Variants in TBC1D22B observed in about 807,000 individuals in gnomAD.
The protein encoded by TBC1D22B is chromosome 6 open reading frame 197.
Under a neutral mutation model 69.1 loss-of-function variants are expected in TBC1D22B, and 32 were observed. The observed-to-expected ratio is 0.46, with a 90% CI of 0.35 to 0.62. The LOEUF is 0.62. Among genes scored for constraint, TBC1D22B ranks in the 20% least tolerant of loss-of-function variants. The pLI is 0.00. For missense variants in TBC1D22B, 462 were observed against 630.9 expected (o/e 0.73, Z 2.87); for synonymous variants, 206 against 229.8 (o/e 0.90, Z 0.94).
intron 8 of TBC1D22B, chr6:37,295,722 G>A: frequency 3.1e-6 from 1 of 327,780 alleles, no homozygotes; most frequent in South Asian, 3.2e-5. Flanking sequence ...CGATTCCCTG[G>A]TCTCTTCCCC....
intron 12 of TBC1D22B, among the ~76,000 whole-genome samples, chr6:37,325,988 G>T (rs4714055): frequency 0.64 from 97,315 of 152,024 alleles, 31,342 homozygotes; most frequent in East Asian, 0.85. Flanking sequence ...GGGGAAGTGG[G>T]GACATTCACT....
chr6:37,295,610 C>G (rs1441355359), intron 8 of TBC1D22B: 1 of 437,296 alleles, frequency 2.3e-6, no homozygotes, highest in Non-Finnish European at 4.6e-6. Flanking sequence ...AACACAATTG[C>G]AGTTGAGTTT....
At chr6:37,330,956 C>T in intron 12 of TBC1D22B, 88 bp from the exon 13 acceptor site, 1 of 1,474,704 alleles carries the variant, frequency 6.8e-7, no homozygotes, top group East Asian at 2.3e-5. Flanking sequence ...GAAGGGGCCC[C>T]ATTCTAGGCC....
At chr6:37,258,206 A>G in intron 1 of TBC1D22B, 2 of 546,824 alleles carry the variant, frequency 3.7e-6, no homozygotes, top group South Asian at 2.3e-5. Context: ...AGGAGGGGTG[A>G]CCTCAGCGGG....
chr6:37,322,628 A>G (rs989695169), intron 12 of TBC1D22B, among the ~76,000 whole-genome samples: 6 of 152,244 alleles, frequency 3.9e-5, no homozygotes, highest in African/African-American at 1.4e-4. Flanking sequence ...TAATAAAAAC[A>G]TGTTTTTATT....
chr6:37,292,831 A>G (rs1441682827), intron 8 of TBC1D22B, among the ~76,000 whole-genome samples: 1 of 152,062 alleles, frequency 6.6e-6, no homozygotes, highest in East Asian at 1.9e-4. Context: ...TCCCATTACT[A>G]CCTCAACCCC....
At chr6:37,304,108 T>C (rs1198184615) in intron 8 of TBC1D22B, among the ~76,000 whole-genome samples, 1 of 152,210 alleles carries the variant, frequency 6.6e-6, no homozygotes, top group African/African-American at 2.4e-5. Context: ...TGGAGGGCAG[T>C]GAGTTACACT....
chr6:37,291,351 T>C lies in TBC1D22B; in HGVS notation c.976T>C (p.Tyr326His), dbSNP rs1237681966. Residue 326 changes from tyrosine (Y) to histidine (H), a missense_variant, in exon 8 of 13, where the codon TAT becomes CAT. Transcript: ENST00000373491. Reference protein sequence around the residue: ...TPFFVVFLSEYVEEDVENFDV... With the variant: ...TPFFVVFLSEHVEEDVENFDV... ...ATTCTTTGTCGTCTTCCTCTCAGAA[T>C]ATGTGGGTAAGAAGCATTAGTACCA... 1 of 1,606,022 alleles carries C rather than the reference T, an allele frequency of 6.2e-7. No homozygotes were observed. Among genetic ancestry groups the C allele is most frequent in the African/African-American group, 1.3e-5 (1 of 74,578 alleles).
In TBC1D22B at chr6:37,331,146, G is replaced by A. The variant is rs371136817; in HGVS notation, c.1492G>A (p.Asp498Asn). The A allele has an allele frequency of 7.4e-6, 12 of 1,613,956 alleles. No individual in the cohort carries two copies. The highest frequency in any genetic ancestry group is 3.3e-5 in the South Asian group (3 of 91,072). ...ATACAGACTCAAGTACATGTTTGCC[G>A]ATGCCCCAAATCACTACCGCCGATA... is the stretch of plus-strand genomic sequence containing the variant. ...EAYRLKYMFA[D>N]APNHYRR is the part of the protein sequence containing the mutation. Residue 498 changes from aspartate to asparagine, a missense_variant, in exon 13 of 13, where the codon GAT becomes AAT. Physicochemically the swap from Asp to Asn is conservative, Grantham distance 23. Coordinates refer to ENST00000373491, the MANE Select transcript of TBC1D22B (RefSeq NM_017772.4).
At chr6:37,287,175 A>G in intron 7 of TBC1D22B, 103 bp downstream of exon 7, 1 of 844,136 alleles carries the variant, frequency 1.2e-6, no homozygotes, top group Non-Finnish European at 1.8e-6. Context: ...ATGTTCATAT[A>G]TGCAGCTTTG....
rs58562624 is a variant in TBC1D22B, at chr6:37,294,123, G to A, written c.982+2766G>A. On this transcript the variant is annotated intron_variant, in intron 8 of 12. Transcript: ENST00000373491. ...TCTAGTTAAGATCATTGATGAAGGC[G>A]GTACACTAAACAGCAGATTTTCAAT... Among the ~76,000 whole-genome samples the A allele has an allele frequency of 4.0e-3, 610 of 152,184 alleles. 5 individuals carry two copies. The highest frequency in any genetic ancestry group is 0.014 in the African/African-American group (576 of 41,522).
At chr6:37,306,280 C>G (rs2113772505) in intron 8 of TBC1D22B, among the ~76,000 whole-genome samples, 1 of 152,206 alleles carries the variant, frequency 6.6e-6, no homozygotes, top group South Asian at 2.1e-4. Context: ...CTCATCTGAC[C>G]CCAGGGATAA....
At chr6:37,275,112 A>G (rs1766626210) in intron 2 of TBC1D22B, among the ~76,000 whole-genome samples, 1 of 152,162 alleles carries the variant, frequency 6.6e-6, no homozygotes, top group Non-Finnish European at 1.5e-5. Context: ...ATTCTTTTAC[A>G]TTGAGTTAAG....
chr6:37,267,364 A>T (rs1214985137), intron 1 of TBC1D22B, among the ~76,000 whole-genome samples: 2 of 66,752 alleles, frequency 3.0e-5, no homozygotes, highest in African/African-American at 2.2e-4. Context: ...CACATATATA[A>T]TATATATACA....
At chr6:37,305,535 T>TA (rs1767686461) in intron 8 of TBC1D22B, among the ~76,000 whole-genome samples, 1 of 150,804 alleles carries the variant, frequency 6.6e-6, no homozygotes, top group African/African-American at 2.5e-5. Flanking sequence ...TTTTTTTTTT[T>TA]GAGACGGAGT....
At chr6:37,272,588 A>G (rs890242240) in intron 2 of TBC1D22B, among the ~76,000 whole-genome samples, 14 of 151,200 alleles carry the variant, frequency 9.3e-5, no homozygotes, top group Admixed American at 7.9e-4. Context: ...GGGTTTCACC[A>G]TGTTGCCCAT....
At chr6:37,265,855 G>A (rs1412833188) in intron 1 of TBC1D22B, among the ~76,000 whole-genome samples, 1 of 152,112 alleles carries the variant, frequency 6.6e-6, no homozygotes, top group Non-Finnish European at 1.5e-5. Context: ...GAAAGTGATT[G>A]ATTTGGCTAT....
intron 1 of TBC1D22B, among the ~76,000 whole-genome samples, chr6:37,267,117 T>C (rs1238380266): frequency 6.6e-6 from 1 of 150,884 alleles, no homozygotes; most frequent in Non-Finnish European, 1.5e-5. Flanking sequence ...TTAAATTTTT[T>C]GTAGGTACAA....
rs78786955 is a variant in TBC1D22B at position 37,325,121 on chromosome 6, G to C, written c.1390-5923G>C. Among the ~76,000 whole-genome samples the C allele has an allele frequency of 6.9e-3, 1,044 of 152,122 alleles. 12 individuals carry two copies. Among genetic ancestry groups the C allele is most frequent in the African/African-American group, 0.022 (931 of 41,496 alleles). On this transcript the variant is annotated intron_variant, in intron 12 of 12. Coordinates refer to ENST00000373491, the MANE Select transcript of TBC1D22B (RefSeq NM_017772.4). ...ATACCTTTCCCTTTTCAAAGTCTCT[G>C]CTTATTACCCATTATCTTTACCTTT... is the stretch of plus-strand genomic sequence containing the variant.
Sources: allele counts gnomAD v4.1 joint callset (sites outside exome capture counted in the v4.1 genomes callset), GRCh38; gene constraint gnomAD v4.1.1; transcripts MANE v1.5; gene names NCBI Gene and HGNC (gene_info 2026-07-23, HGNC 2026-07-21).